TBC1D19: variants seen among roughly 807,000 people sequenced by gnomAD.
The protein encoded by TBC1D19 is TBC1 domain family, member 19.
A neutral mutation model predicts 89.0 loss-of-function variants in TBC1D19; 60 were observed. The ratio of observed to expected loss-of-function variants is 0.67; its 90% CI spans 0.55 to 0.84. The LOEUF is 0.84. Among genes scored for constraint, TBC1D19 ranks in the 40% least tolerant of loss-of-function variants. The pLI is 0.00. For synonymous variants in TBC1D19, 189 were observed against 199.7 expected (o/e 0.95, Z 0.45); for missense variants, 500 against 610.8 (o/e 0.82, Z 1.91).
the TBC1D19 span, among the ~76,000 whole-genome samples, chr4:26,857,375 T>G: frequency 6.6e-6 from 1 of 152,192 alleles, no homozygotes; most frequent in Non-Finnish European, 1.5e-5. Flanking sequence ...TGGACCACCC[T>G]GCTGGGTCTG....
chr4:26,747,886 T>C (rs989906267), intron 18 of TBC1D19, among the ~76,000 whole-genome samples: 1 of 152,218 alleles, frequency 6.6e-6, no homozygotes, highest in Non-Finnish European at 1.5e-5. Context: ...CAGAAATCTA[T>C]TTCTAATGTC....
At chr4:26,845,661 T>C in the TBC1D19 span, among the ~76,000 whole-genome samples, 1 of 152,214 alleles carries the variant, frequency 6.6e-6, no homozygotes, top group Non-Finnish European at 1.5e-5. Context: ...GACTGGGTAA[T>C]TTATAAAGAA....
At chr4:26,580,872 A>C (rs552404948), upstream of TBC1D19, among the ~76,000 whole-genome samples, 2 of 152,274 alleles carry the variant, frequency 1.3e-5, no homozygotes, top group South Asian at 4.2e-4. Context: ...ACCACTAGTC[A>C]GTGGTTTTCA....
the TBC1D19 span, among the ~76,000 whole-genome samples, chr4:26,852,510 T>C: frequency 1.3e-5 from 2 of 152,146 alleles, no homozygotes; most frequent in African/African-American, 2.4e-5. Context: ...TGAGCTGTGA[T>C]TGTGCCACTG....
At chr4:26,846,486 C>T in the TBC1D19 span, among the ~76,000 whole-genome samples, 1 of 152,086 alleles carries the variant, frequency 6.6e-6, no homozygotes, top group African/African-American at 2.4e-5. Context: ...TTTTTCAAAT[C>T]TAAAAAATTC....
intron 11 of TBC1D19, among the ~76,000 whole-genome samples, chr4:26,675,283 C>T (rs1712701372): frequency 6.6e-6 from 1 of 151,932 alleles, no homozygotes; most frequent in South Asian, 2.1e-4. Context: ...AGAATATTTC[C>T]AGAAGTATCA....
the TBC1D19 span, among the ~76,000 whole-genome samples, chr4:26,806,719 C>A: frequency 6.6e-6 from 1 of 152,216 alleles, no homozygotes; most frequent in Non-Finnish European, 1.5e-5. Flanking sequence ...TGAGGTAATA[C>A]TCCATTAGAG....
intron 7 of TBC1D19, among the ~76,000 whole-genome samples, chr4:26,654,464 A>C (rs578058630): frequency 2.0e-4 from 30 of 152,262 alleles, no homozygotes; most frequent in African/African-American, 6.3e-4. Context: ...TATCCTGCAG[A>C]GTGTTTTCCA....
chr4:26,750,397 G>C (rs1271996171), intron 19 of TBC1D19, among the ~76,000 whole-genome samples: 1 of 152,070 alleles, frequency 6.6e-6, no homozygotes, highest in Non-Finnish European at 1.5e-5. Flanking sequence ...CTAATAATTA[G>C]GACTTTCAAA....
chr4:26,728,560 T>C (rs186153856), intron 15 of TBC1D19, among the ~76,000 whole-genome samples: 276 of 152,158 alleles, frequency 1.8e-3, no homozygotes, highest in African/African-American at 6.2e-3. Flanking sequence ...CCAAAGAATA[T>C]AGAGAAAGAC....
the TBC1D19 span, among the ~76,000 whole-genome samples, chr4:26,813,998 G>A: frequency 2.0e-5 from 3 of 152,116 alleles, no homozygotes; most frequent in African/African-American, 7.2e-5. Flanking sequence ...AGAGTGGAGA[G>A]CACCATCAGC....
intron 7 of TBC1D19, among the ~76,000 whole-genome samples, chr4:26,643,365 C>T (rs555084480): frequency 1.8e-3 from 275 of 152,234 alleles, no homozygotes; most frequent in African/African-American, 6.2e-3. Flanking sequence ...AATAAAGATG[C>T]TCTTTGAAAC....
intron 13 of TBC1D19, among the ~76,000 whole-genome samples, chr4:26,688,753 T>G (rs10015831): frequency 1.7e-3 from 261 of 152,224 alleles, no homozygotes; most frequent in African/African-American, 6.0e-3. Flanking sequence ...TGCATTATAC[T>G]TTTAAAATTA....
intron 4 of TBC1D19, among the ~76,000 whole-genome samples, chr4:26,627,830 G>A (rs922157681): frequency 2.6e-5 from 4 of 151,880 alleles, no homozygotes; most frequent in African/African-American, 9.7e-5. Flanking sequence ...CTCCCATTTT[G>A]TAGGTTGCCT....
the TBC1D19 span, among the ~76,000 whole-genome samples, chr4:26,771,092 G>A: frequency 6.6e-6 from 1 of 151,608 alleles, no homozygotes; most frequent in Admixed American, 6.6e-5. Context: ...CATATGAAAA[G>A]ACACTCAATA....
At chr4:26,655,404 G>A (rs1410426298) in intron 7 of TBC1D19, among the ~76,000 whole-genome samples, 1 of 152,232 alleles carries the variant, frequency 6.6e-6, no homozygotes, top group Non-Finnish European at 1.5e-5. Context: ...AAAGCTGTCA[G>A]ACAGGGACAT....
chr4:26,723,042 G>A (rs1308554591), intron 15 of TBC1D19, among the ~76,000 whole-genome samples: 1 of 152,110 alleles, frequency 6.6e-6, no homozygotes, highest in African/African-American at 2.4e-5. Flanking sequence ...AAAAGGTAGA[G>A]GATGTATGTG....
chr4:26,721,781 TC>T (rs2109273041), intron 15 of TBC1D19, among the ~76,000 whole-genome samples: 1 of 152,276 alleles, frequency 6.6e-6, no homozygotes, highest in East Asian at 1.9e-4. Context: ...TATAGCAATA[TC>T]AAACTATTTA....
the TBC1D19 span, among the ~76,000 whole-genome samples, chr4:26,791,904 A>G: frequency 4.6e-5 from 7 of 152,208 alleles, no homozygotes; most frequent in South Asian, 2.1e-4. Flanking sequence ...GGGGCTATCA[A>G]TTTGGAAGTT....
Sources: gnomAD v4.1 joint callset for allele counts (sites outside exome capture counted in the v4.1 genomes callset) on GRCh38, gnomAD v4.1.1 for gene constraint, MANE v1.5 for transcripts, NCBI Gene and HGNC (gene_info 2026-07-23, HGNC 2026-07-21) for gene names.